The following LINC00305 variants were observed in gnomAD, a reference collection of about 807,000 sequenced individuals.
LINC00305 encodes long independently transcribed non-coding RNA 305, also known as long intergenic non-protein coding RNA 305.
At chr18:64,129,702 A>AAT (rs1350508929) in intron 1 of LINC00305, among the ~76,000 whole-genome samples, 2 of 152,130 alleles carry the variant, frequency 1.3e-5, no homozygotes, top group African/African-American at 2.4e-5. Context: ...TATCCATTAT[A>AAT]ATATTATTCT....
At chr18:64,084,724 C>A (rs2051196909) in intron 3 of LINC00305, among the ~76,000 whole-genome samples, 1 of 152,222 alleles carries the variant, frequency 6.6e-6, no homozygotes, top group Non-Finnish European at 1.5e-5. Context: ...GCCTGGAGGG[C>A]TCTGCTCATT....
rs375556625 is a variant in LINC00305 at position 64,087,365 on chromosome 18, A to T, written n.541-6963T>A. On this transcript the variant is annotated intron_variant and non_coding_transcript_variant, in intron 3 of 3. Transcript: ENST00000666468. ...TTGGTTCTCTGAATTGGAATCATCAAGCCATTAGCAGCTCTTTATTACTAA... is the reference window on the plus strand; with the variant it reads ...TTGGTTCTCTGAATTGGAATCATCATGCCATTAGCAGCTCTTTATTACTAA... Among the ~76,000 whole-genome samples the T allele has an allele frequency of 2.0e-4, 31 of 152,358 alleles. 1 individual carries two copies. Among genetic ancestry groups the T allele is most frequent in the African/African-American group, 7.2e-4 (30 of 41,582 alleles).
chr18:64,126,045 G>T (rs983911810), intron 1 of LINC00305, among the ~76,000 whole-genome samples: 3 of 151,688 alleles, frequency 2.0e-5, no homozygotes, highest in African/African-American at 7.3e-5. Context: ...TTGATCTTGG[G>T]CTTCTCAGCC....
At chr18:64,113,053 T>C (rs1307859985) in intron 1 of LINC00305, among the ~76,000 whole-genome samples, 2 of 152,178 alleles carry the variant, frequency 1.3e-5, no homozygotes, top group Admixed American at 6.5e-5. Context: ...ATACATTGAG[T>C]ATATTGCAGA....
intron 3 of LINC00305, among the ~76,000 whole-genome samples, chr18:64,088,966 G>T (rs146674131): frequency 2.2e-3 from 334 of 152,276 alleles, no homozygotes; most frequent in Admixed American, 3.7e-3. Flanking sequence ...GGAATATGGG[G>T]TTACCAGAGC....
chr18:64,113,777 G>A (rs1334741051), intron 1 of LINC00305, among the ~76,000 whole-genome samples: 1 of 152,182 alleles, frequency 6.6e-6, no homozygotes, highest in East Asian at 1.9e-4. Flanking sequence ...GATCTTTGCT[G>A]CTGGGTGACC....
At chr18:64,144,948 C>T (rs2051489999) in intron 1 of LINC00305, among the ~76,000 whole-genome samples, 1 of 152,066 alleles carries the variant, frequency 6.6e-6, no homozygotes, top group African/African-American at 2.4e-5. Flanking sequence ...TATAAACGGA[C>T]ACATGGGGGT....
chr18:64,105,014 C>T (rs926515874), intron 1 of LINC00305, among the ~76,000 whole-genome samples: 1 of 151,944 alleles, frequency 6.6e-6, no homozygotes, highest in Non-Finnish European at 1.5e-5. Context: ...ACTTCAGCAC[C>T]CACCCCCCAG....
At chr18:64,128,735 A>G (rs983255576) in intron 1 of LINC00305, among the ~76,000 whole-genome samples, 14 of 152,122 alleles carry the variant, frequency 9.2e-5, no homozygotes, top group African/African-American at 3.4e-4. Flanking sequence ...CAGTTGATAA[A>G]TAGTCACTGC....
intron 1 of LINC00305, among the ~76,000 whole-genome samples, chr18:64,136,688 C>T (rs940291843): frequency 6.6e-6 from 1 of 152,144 alleles, no homozygotes; most frequent in African/African-American, 2.4e-5. Context: ...CTGTGGAACA[C>T]AGAGTAGATG....
At chr18:64,133,584 T>C (rs1487141798) in intron 1 of LINC00305, among the ~76,000 whole-genome samples, 1 of 152,216 alleles carries the variant, frequency 6.6e-6, no homozygotes, top group Non-Finnish European at 1.5e-5. Context: ...CTTTCTACTC[T>C]GACCTCCAAC....
intron 3 of LINC00305, among the ~76,000 whole-genome samples, chr18:64,083,227 A>C (rs568360316): frequency 6.6e-6 from 1 of 152,262 alleles, no homozygotes. Context: ...CTCACCCCAG[A>C]CAGGAGCTAT....
At chr18:64,084,931 G>A (rs115695934) in intron 3 of LINC00305, among the ~76,000 whole-genome samples, 237 of 152,372 alleles carry the variant, frequency 1.6e-3, no homozygotes, top group African/African-American at 5.5e-3. Flanking sequence ...ATGCAGGTAT[G>A]TGGCTGAGCA....
intron 1 of LINC00305, among the ~76,000 whole-genome samples, chr18:64,133,397 TGAGA>T (rs74170001): frequency 0.12 from 17,675 of 152,126 alleles, 1,228 homozygotes; most frequent in Non-Finnish European, 0.16. Flanking sequence ...TTTTAAGAGC[TGAGA>T]GAAAGACTCT....
intron 1 of LINC00305, among the ~76,000 whole-genome samples, chr18:64,124,253 C>A (rs2051375042): frequency 6.6e-6 from 1 of 152,106 alleles, no homozygotes; most frequent in South Asian, 2.1e-4. Flanking sequence ...CGGATCAGAA[C>A]CTAGCTGGTT....
At chr18:64,091,306 G>A (rs2051224073) in intron 3 of LINC00305, among the ~76,000 whole-genome samples, 1 of 152,132 alleles carries the variant, frequency 6.6e-6, no homozygotes. Context: ...AACATCATGT[G>A]TTCACCTGAG....
intron 3 of LINC00305, among the ~76,000 whole-genome samples, chr18:64,084,482 A>C (rs989964721): frequency 6.6e-6 from 1 of 152,224 alleles, no homozygotes; most frequent in Non-Finnish European, 1.5e-5. Context: ...ACTTGAAATA[A>C]AAGTTAAAAA....
intron 1 of LINC00305, among the ~76,000 whole-genome samples, chr18:64,136,477 A>G (rs1364853974): frequency 6.6e-6 from 1 of 152,146 alleles, no homozygotes; most frequent in Non-Finnish European, 1.5e-5. Flanking sequence ...AGCCCCTTAT[A>G]AGACCATCAG....
intron 1 of LINC00305, among the ~76,000 whole-genome samples, chr18:64,132,936 G>T (rs939508063): frequency 6.6e-6 from 1 of 152,208 alleles, no homozygotes; most frequent in Non-Finnish European, 1.5e-5. Flanking sequence ...GGGCCTGGCT[G>T]TGTGGCCAGC....
Sources: gnomAD v4.1 joint callset for allele counts (sites outside exome capture counted in the v4.1 genomes callset) on GRCh38, gnomAD v4.1.1 for gene constraint, MANE v1.5 for transcripts, NCBI Gene and HGNC (gene_info 2026-07-23, HGNC 2026-07-21) for gene names.